PCDH15: variants seen among roughly 807,000 people sequenced by gnomAD.
PCDH15 encodes the protein protocadherin related 15, also known as protocadherin-15.
Under a neutral mutation model 178.5 loss-of-function variants are expected in PCDH15, and 129 were observed. The observed-to-expected ratio is 0.72, with a 90% CI of 0.63 to 0.84. The LOEUF (loss-of-function observed/expected upper bound fraction) is 0.84, where lower values mean the gene tolerates loss of function less well. Ranked by LOEUF, PCDH15 falls within the 40% of genes least tolerant of loss-of-function variation. The pLI is 0.00. For synonymous variants in PCDH15, 800 were observed against 732.0 expected, an observed-to-expected ratio of 1.09 and a Z score of -1.50; for missense variants, 2,230 against 2,099.9, an observed-to-expected ratio of 1.06 and a Z score of -1.21.
chr10:54,235,604 G>A (rs2054550469), intron 9 of PCDH15, among the ~76,000 whole-genome samples: 1 of 152,058 alleles, frequency 6.6e-6, no homozygotes, highest in Non-Finnish European at 1.5e-5. Flanking sequence ...CCTCTCATGA[G>A]CCTACATGTG....
intron 1 of PCDH15, among the ~76,000 whole-genome samples, chr10:54,694,527 G>A (rs1054172563): frequency 1.1e-4 from 16 of 151,712 alleles, no homozygotes; most frequent in African/African-American, 2.7e-4. Context: ...CAAATCTATC[G>A]GCATTGTTTT....
At chr10:54,741,803 C>G (rs1205601431) in intron 1 of PCDH15, among the ~76,000 whole-genome samples, 2 of 151,984 alleles carry the variant, frequency 1.3e-5, no homozygotes, top group African/African-American at 4.8e-5. Context: ...TTCTGCTTCT[C>G]TCTTCGACTT....
At chr10:54,159,748 G>A (rs1403134867) in intron 13 of PCDH15, among the ~76,000 whole-genome samples, 1 of 152,004 alleles carries the variant, frequency 6.6e-6, no homozygotes. Context: ...TGGTAGAATT[G>A]TCCCTGTATA....
chr10:54,817,548 G>GA (rs1952968271), intron 3 of PCDH15, among the ~76,000 whole-genome samples: 3 of 152,026 alleles, frequency 2.0e-5, no homozygotes, highest in Admixed American at 2.0e-4. Flanking sequence ...CCTCAACATT[G>GA]CTGCCTGGAT....
At chr10:55,424,184 G>A (rs753882499) in intron 2 of PCDH15, among the ~76,000 whole-genome samples, 24 of 152,098 alleles carry the variant, frequency 1.6e-4, no homozygotes, top group African/African-American at 2.9e-4. Flanking sequence ...TGAATGTCCC[G>A]TTTCAAGATA....
intron 3 of PCDH15, among the ~76,000 whole-genome samples, chr10:54,854,758 T>C (rs1212352696): frequency 6.6e-6 from 1 of 152,136 alleles, no homozygotes; most frequent in Non-Finnish European, 1.5e-5. Context: ...GCATGCTGAT[T>C]GGTCCATTAG....
Position 53,805,050 on chromosome 10 carries a change from A to AAAAC in PCDH15, c.*1525_*1528dup, listed in dbSNP as rs981567425. 2.8e-4 allele frequency: 42 copies of AAAAC among 152,148 alleles called. No individual in the cohort carries two copies. The highest frequency in any genetic ancestry group is 8.7e-4 in the African/African-American group (36 of 41,540). The allele number at this position is 152,148 out of a possible 1,614,324, so 9.4% of individuals were successfully genotyped here. ...AATATTTTCTTGGAAATCTGAAGTA[A>AAAAC]AAACATACTACTCTTACAAGTCGGC... On this transcript the variant is annotated 3_prime_UTR_variant, in exon 38 of 38. Transcript: ENST00000644397.
intron 2 of PCDH15, among the ~76,000 whole-genome samples, chr10:55,609,160 G>A (rs1262172631): frequency 1.3e-5 from 2 of 151,880 alleles, no homozygotes; most frequent in African/African-American, 4.8e-5. Context: ...CATCTGACCT[G>A]ATTGGGAAGA....
chr10:55,599,978 A>G (rs960527331), intron 2 of PCDH15: 1 of 1,479,898 alleles, frequency 6.8e-7, no homozygotes, highest in African/African-American at 1.4e-5. Context: ...GGTATAAATA[A>G]ATAGGAGAAG....
chr10:54,105,910 G>A (rs2094909216), intron 15 of PCDH15, among the ~76,000 whole-genome samples: 1 of 152,078 alleles, frequency 6.6e-6, no homozygotes, highest in African/African-American at 2.4e-5. Flanking sequence ...GCTGATGAAT[G>A]TATAAAGTGT....
intron 2 of PCDH15, among the ~76,000 whole-genome samples, chr10:54,956,613 A>C (rs1838494696): frequency 6.6e-6 from 1 of 151,642 alleles, no homozygotes; most frequent in African/African-American, 2.4e-5. Context: ...ATATAAAATT[A>C]ATACTATGTC....
chr10:55,261,295 G>A (rs186659855), intron 1 of PCDH15, among the ~76,000 whole-genome samples: 1 of 152,190 alleles, frequency 6.6e-6, no homozygotes, highest in East Asian at 1.9e-4. Context: ...ACTGTGTTAA[G>A]GCTAACATTT....
intron 3 of PCDH15, among the ~76,000 whole-genome samples, chr10:54,440,684 T>C (rs967918204): frequency 1.3e-4 from 20 of 151,986 alleles, no homozygotes; most frequent in Non-Finnish European, 2.9e-5. Flanking sequence ...ATGTAAACAT[T>C]TATGATAACT....
At chr10:53,957,423 C>G in intron 23 of PCDH15, among the ~76,000 whole-genome samples, 1 of 151,720 alleles carries the variant, frequency 6.6e-6, no homozygotes, top group Admixed American at 6.6e-5. Flanking sequence ...AGGAGTCCCC[C>G]TTTATTTATG....
chr10:54,353,518 A>G (rs1944484252), intron 5 of PCDH15, among the ~76,000 whole-genome samples: 1 of 152,138 alleles, frequency 6.6e-6, no homozygotes, highest in Admixed American at 6.5e-5. Context: ...AAAATTTCCT[A>G]ATATCCCTGT....
chr10:54,781,062 T>A (rs1950309216), intron 1 of PCDH15, among the ~76,000 whole-genome samples: 2 of 152,142 alleles, frequency 1.3e-5, no homozygotes, highest in African/African-American at 4.8e-5. Context: ...CTAAGCCACT[T>A]TTTAATAAAA....
chr10:54,242,746 C>T (rs192547316), intron 8 of PCDH15, among the ~76,000 whole-genome samples: 2 of 152,104 alleles, frequency 1.3e-5, no homozygotes, highest in Admixed American at 6.5e-5. Context: ...ATCTGAGTAA[C>T]GTATACATAG....
intron 2 of PCDH15, among the ~76,000 whole-genome samples, chr10:55,381,989 C>G (rs1047356564): frequency 3.3e-5 from 5 of 152,090 alleles, no homozygotes; most frequent in Admixed American, 6.6e-5. Context: ...AAAACCAGAT[C>G]CTAAAAGAAA....
intron 11 of PCDH15, among the ~76,000 whole-genome samples, chr10:54,188,412 C>G (rs2048668889): frequency 1.3e-5 from 2 of 151,714 alleles, no homozygotes; most frequent in Non-Finnish European, 3.0e-5. Context: ...GCTGTTGTGT[C>G]TATAAGTTTA....
Sources: allele counts gnomAD v4.1 joint callset (sites outside exome capture counted in the v4.1 genomes callset), GRCh38; gene constraint gnomAD v4.1.1; transcripts MANE v1.5; gene names NCBI Gene and HGNC (gene_info 2026-07-23, HGNC 2026-07-21).